The following SPOCK3 variants were observed in gnomAD, a reference collection of about 807,000 sequenced individuals.
SPOCK3 encodes SPARC (osteonectin), cwcv and kazal like domains proteoglycan 3, also known as testican-3.
Under a neutral mutation model 56.6 loss-of-function variants are expected in SPOCK3, and 30 were observed. That is an observed-to-expected ratio of 0.53 (90% confidence interval 0.40 to 0.72). SPOCK3 has a LOEUF of 0.72. Among genes scored for constraint, SPOCK3 ranks in the 30% least tolerant of loss-of-function variants. The probability of loss-of-function intolerance (pLI) is 0.00; values close to 1 mark genes in which losing one functional copy is unlikely to be tolerated. For missense variants in SPOCK3, 527 were observed against 530.0 expected, an observed-to-expected ratio of 0.99 and a Z score of 0.06; for synonymous variants, 196 against 183.3, an observed-to-expected ratio of 1.07 and a Z score of -0.56.
At chr4:166,840,007 T>A (rs1019752526) in intron 6 of SPOCK3, among the ~76,000 whole-genome samples, 2 of 152,238 alleles carry the variant, frequency 1.3e-5, no homozygotes, top group African/African-American at 4.8e-5. Context: ...TGTTTGCAAT[T>A]CTTTGCTAAC....
At chr4:166,787,646 A>G (rs1209934422) in intron 7 of SPOCK3, among the ~76,000 whole-genome samples, 1 of 152,188 alleles carries the variant, frequency 6.6e-6, no homozygotes, top group African/African-American at 2.4e-5. Flanking sequence ...TGGAATGATT[A>G]GGCATAGGGT....
intron 4 of SPOCK3, among the ~76,000 whole-genome samples, chr4:166,968,521 G>T (rs934261291): frequency 2.0e-5 from 3 of 152,184 alleles, no homozygotes; most frequent in Non-Finnish European, 4.4e-5. Context: ...AGACCAAGGT[G>T]CAGCTCAGGC....
chr4:166,746,988 A>T (rs1735705042), intron 8 of SPOCK3, among the ~76,000 whole-genome samples: 1 of 152,218 alleles, frequency 6.6e-6, no homozygotes, highest in South Asian at 2.1e-4. Context: ...TGAGGCAATA[A>T]TTAAGAGCCT....
chr4:166,734,698 C>A lies in SPOCK3; in HGVS notation c.*223G>T. On this transcript the variant is annotated 3_prime_UTR_variant, in exon 11 of 11. Transcript: ENST00000357545. ...AACTTTATTTTGTCTGACTAGACTG[C>A]ATATGTATTTTCTTTTTGTGTAAGG... 2.3e-6 allele frequency: 1 copy of A among 425,952 alleles called. No homozygotes were observed. 26.4% of individuals were successfully genotyped at this position (425,952 alleles called of 1,614,324 possible).
chr4:166,797,195 A>G (rs1019351752), intron 6 of SPOCK3, among the ~76,000 whole-genome samples: 4 of 151,264 alleles, frequency 2.6e-5, no homozygotes, highest in African/African-American at 7.3e-5. Context: ...GGGAATTAAT[A>G]AATATTTATA....
At position 166,967,377 on chromosome 4, in the gene SPOCK3, C is replaced by A. The variant is rs183569898; in HGVS notation, c.350+32972G>T. 3.5e-4 allele frequency among the ~76,000 whole-genome samples: 54 copies of A among 152,244 alleles called. No homozygotes were observed. The South Asian group carries it at 0.011, about 30-fold the overall frequency. On this transcript the variant is annotated intron_variant, in intron 4 of 10. Coordinates refer to ENST00000357545, the MANE Select transcript of SPOCK3 (RefSeq NM_001040159.2). ...GTGATATGGTTTGGCTCTGTGTCCA[C>A]CAACCCATATCTCATGTCAAATTAT...
At chr4:166,914,118 C>T (rs543007835) in intron 4 of SPOCK3, among the ~76,000 whole-genome samples, 2 of 150,758 alleles carry the variant, frequency 1.3e-5, no homozygotes, top group African/African-American at 4.9e-5. Context: ...TGTAATCAAA[C>T]AAGACATGAA....
At chr4:166,875,880 GA>G (rs1733026703) in intron 6 of SPOCK3, among the ~76,000 whole-genome samples, 1 of 152,156 alleles carries the variant, frequency 6.6e-6, no homozygotes, top group Non-Finnish European at 1.5e-5. Context: ...AAACAACTCT[GA>G]AAGAATGTAG....
chr4:167,206,895 G>C (rs890923014), intron 2 of SPOCK3, among the ~76,000 whole-genome samples: 1 of 151,916 alleles, frequency 6.6e-6, no homozygotes, highest in Non-Finnish European at 1.5e-5. Flanking sequence ...AACTAGATAG[G>C]AGAATAGGTT....
intron 2 of SPOCK3, among the ~76,000 whole-genome samples, chr4:167,229,294 C>T (rs1239404427): frequency 1.3e-5 from 2 of 152,024 alleles, no homozygotes; most frequent in Non-Finnish European, 2.9e-5. Context: ...AAAGGAGGAT[C>T]CCTCAATGCT....
intron 2 of SPOCK3, among the ~76,000 whole-genome samples, chr4:167,164,612 C>A (rs556294507): frequency 3.9e-4 from 59 of 151,508 alleles, no homozygotes; most frequent in African/African-American, 1.3e-3. Context: ...CCCACACAGG[C>A]CCCGGTGTGT....
At chr4:166,744,239 C>G (rs1453395398) in intron 8 of SPOCK3, among the ~76,000 whole-genome samples, 2 of 152,192 alleles carry the variant, frequency 1.3e-5, no homozygotes, top group South Asian at 2.1e-4. Flanking sequence ...CAGCCGAGTG[C>G]CCCTCTGAGA....
At chr4:167,109,504 TA>T (rs1760702174) in intron 2 of SPOCK3, among the ~76,000 whole-genome samples, 1 of 118,378 alleles carries the variant, frequency 8.4e-6, no homozygotes, top group Non-Finnish European at 1.6e-5. Flanking sequence ...ATATATTTTA[TA>T]TAAAATATAA....
intron 4 of SPOCK3, among the ~76,000 whole-genome samples, chr4:166,984,683 A>G (rs1579901506): frequency 6.6e-6 from 1 of 152,088 alleles, no homozygotes; most frequent in African/African-American, 2.4e-5. Flanking sequence ...AGGTGCATAC[A>G]TGTCCTGGAC....
intron 2 of SPOCK3, among the ~76,000 whole-genome samples, chr4:167,206,070 T>A (rs1734298770): frequency 6.6e-6 from 1 of 152,108 alleles, no homozygotes; most frequent in Admixed American, 6.6e-5. Context: ...AAGAAGTATG[T>A]TTATGAACTT....
At chr4:167,123,493 G>T (rs1399423325) in intron 2 of SPOCK3, among the ~76,000 whole-genome samples, 1 of 82,904 alleles carries the variant, frequency 1.2e-5, no homozygotes, top group South Asian at 3.5e-4. Context: ...TAGATCTGCA[G>T]CGATTCAGAT....
At chr4:166,777,118 G>A (rs908199533) in intron 7 of SPOCK3, among the ~76,000 whole-genome samples, 3 of 152,046 alleles carry the variant, frequency 2.0e-5, no homozygotes, top group Non-Finnish European at 4.4e-5. Context: ...AACACAGGAA[G>A]AATTAAATGA....
At chr4:167,048,455 G>A (rs944995705) in intron 3 of SPOCK3, among the ~76,000 whole-genome samples, 3 of 152,058 alleles carry the variant, frequency 2.0e-5, no homozygotes, top group African/African-American at 7.2e-5. Context: ...ATAGTATTTT[G>A]TTATTCAGAT....
At chr4:167,105,463 T>TAAAAAAAAAA (rs552028589) in intron 2 of SPOCK3, among the ~76,000 whole-genome samples, 4 of 98,666 alleles carry the variant, frequency 4.1e-5, no homozygotes, top group East Asian at 6.1e-4. Flanking sequence ...ACACAAAAAT[T>TAAAAAAAAAA]AAAAAAAAAA....
Sources: allele counts gnomAD v4.1 joint callset (sites outside exome capture counted in the v4.1 genomes callset), GRCh38; gene constraint gnomAD v4.1.1; transcripts MANE v1.5; gene names NCBI Gene and HGNC (gene_info 2026-07-23, HGNC 2026-07-21).